PLXDC2: variants seen among roughly 807,000 people sequenced by gnomAD.
The protein encoded by PLXDC2 is plexin domain-containing protein 2.
In PLXDC2, 40 loss-of-function variants were observed where a neutral mutation model predicts 68.9. The observed-to-expected ratio is 0.58, with a 90% CI of 0.45 to 0.76. The LOEUF is 0.76. Ranked by LOEUF, PLXDC2 falls within the 30% of genes least tolerant of loss-of-function variation. The probability of loss-of-function intolerance (pLI) is 0.00; values close to 1 mark genes in which losing one functional copy is unlikely to be tolerated. For missense variants in PLXDC2, 644 were observed against 661.9 expected (o/e 0.97, Z 0.30); for synonymous variants, 243 against 234.2 (o/e 1.04, Z -0.34).
At chr10:20,149,556 ATCT>A (rs750592475) in intron 6 of PLXDC2, among the ~76,000 whole-genome samples, 56 of 151,498 alleles carry the variant, frequency 3.7e-4, no homozygotes, top group Non-Finnish European at 7.7e-4. Flanking sequence ...ATTTTTTCTG[ATCT>A]TCTCCCTCCT....
intron 9 of PLXDC2, among the ~76,000 whole-genome samples, chr10:20,185,341 G>T (rs928636493): frequency 6.6e-6 from 1 of 151,772 alleles, no homozygotes; most frequent in Non-Finnish European, 1.5e-5. Flanking sequence ...TCATACCAAG[G>T]GAATTCCTAG....
At chr10:20,018,884 C>G (rs1047657587) in intron 2 of PLXDC2, among the ~76,000 whole-genome samples, 1 of 151,992 alleles carries the variant, frequency 6.6e-6, no homozygotes, top group Non-Finnish European at 1.5e-5. Flanking sequence ...CATATGAACA[C>G]CACATATGTG....
At chr10:20,269,860 A>G (rs564248557) in intron 13 of PLXDC2, among the ~76,000 whole-genome samples, 2 of 152,008 alleles carry the variant, frequency 1.3e-5, no homozygotes, top group African/African-American at 2.4e-5. Flanking sequence ...TCTATTAAAA[A>G]TACAATAATT....
Position 19,817,728 on chromosome 10 carries a change from G to T in PLXDC2, c.112+537G>T, listed in dbSNP as rs12262332. Among the ~76,000 whole-genome samples, 5 of 152,250 alleles carry T rather than the reference G, an allele frequency of 3.3e-5. No individual in the cohort carries two copies. In the East Asian group the frequency reaches 9.7e-4, roughly 29 times the overall value. ...ACCTGGGCCAAGCGGGCGCTGGAAG[G>T]GGGGCGGGGTAAATGCGGCCGGCGC... is the stretch of plus-strand genomic sequence containing the variant. On this transcript the variant is annotated intron_variant, in intron 1 of 13. Transcript: ENST00000377252.
At chr10:20,058,268 T>C (rs1340823754) in intron 3 of PLXDC2, among the ~76,000 whole-genome samples, 1 of 152,176 alleles carries the variant, frequency 6.6e-6, no homozygotes, top group Non-Finnish European at 1.5e-5. Flanking sequence ...TCATCATTTC[T>C]GTGTGTTAGG....
chr10:19,851,845 G>T (rs1338200908), intron 1 of PLXDC2, among the ~76,000 whole-genome samples: 1 of 152,182 alleles, frequency 6.6e-6, no homozygotes, highest in African/African-American at 2.4e-5. Context: ...ACTGCACCTG[G>T]CATCTTTTCT....
chr10:20,071,284 A>G (rs892747690), intron 4 of PLXDC2: 1 of 152,228 alleles, frequency 6.6e-6, no homozygotes, highest in African/African-American at 2.4e-5. Context: ...ATGCGTCATT[A>G]TATACAGAGA....
At chr10:20,079,431 G>T (rs1317297012) in intron 4 of PLXDC2, among the ~76,000 whole-genome samples, 3 of 152,170 alleles carry the variant, frequency 2.0e-5, no homozygotes, top group Non-Finnish European at 4.4e-5. Flanking sequence ...TTCAACCATT[G>T]TGGAAGACAG....
At chr10:20,106,940 T>C (rs2131744555) in intron 4 of PLXDC2, among the ~76,000 whole-genome samples, 1 of 151,266 alleles carries the variant, frequency 6.6e-6, no homozygotes, top group Admixed American at 6.6e-5. Context: ...AAAGCTAAAA[T>C]GATTAAATGC....
chr10:20,096,475 A>G (rs1339217880), intron 4 of PLXDC2, among the ~76,000 whole-genome samples: 1 of 152,034 alleles, frequency 6.6e-6, no homozygotes, highest in African/African-American at 2.4e-5. Context: ...AAAGTAAGGG[A>G]AGAAAATTAT....
intron 9 of PLXDC2, among the ~76,000 whole-genome samples, chr10:20,206,531 G>C (rs1407223706): frequency 6.6e-6 from 1 of 152,044 alleles, no homozygotes; most frequent in Non-Finnish European, 1.5e-5. Context: ...CTTCGGGGAA[G>C]GGAAAAGAAT....
At chr10:20,066,107 C>G (rs1010121094) in intron 3 of PLXDC2, among the ~76,000 whole-genome samples, 3 of 152,184 alleles carry the variant, frequency 2.0e-5, no homozygotes, top group African/African-American at 7.2e-5. Flanking sequence ...AGATTGCCAT[C>G]ATGATTCCAT....
chr10:20,038,321 G>C (rs2131674003), intron 2 of PLXDC2, among the ~76,000 whole-genome samples: 1 of 152,218 alleles, frequency 6.6e-6, no homozygotes, highest in East Asian at 1.9e-4. Context: ...TAGAGGGATA[G>C]ACCATGCTGC....
chr10:20,103,981 C>T (rs1004756029), intron 4 of PLXDC2, among the ~76,000 whole-genome samples: 11 of 152,146 alleles, frequency 7.2e-5, no homozygotes, highest in Admixed American at 3.9e-4. Context: ...GGAGCAGAGA[C>T]TTTCAGAGCA....
At chr10:20,149,212 T>G (rs1215390423) in intron 6 of PLXDC2, among the ~76,000 whole-genome samples, 1 of 72,546 alleles carries the variant, frequency 1.4e-5, no homozygotes, top group Non-Finnish European at 3.2e-5. Flanking sequence ...TTATTTTTCT[T>G]TCTTTTTTTT....
chr10:19,969,240 C>T (rs571705822), intron 1 of PLXDC2, among the ~76,000 whole-genome samples: 23 of 152,294 alleles, frequency 1.5e-4, no homozygotes, highest in South Asian at 2.1e-4. Context: ...CATTTTCTCT[C>T]GTTCCTCCAT....
chr10:19,884,758 G>C (rs1408825497), intron 1 of PLXDC2, among the ~76,000 whole-genome samples: 3 of 152,172 alleles, frequency 2.0e-5, no homozygotes, highest in Non-Finnish European at 4.4e-5. Context: ...ATCGTTGTTG[G>C]ACATTTGGGT....
chr10:20,075,884 G>A (rs1378107107), intron 4 of PLXDC2, among the ~76,000 whole-genome samples: 3 of 152,158 alleles, frequency 2.0e-5, no homozygotes, highest in South Asian at 4.1e-4. Flanking sequence ...AGCCACTGAA[G>A]TGTCCACTGA....
At chr10:20,216,634 A>G (rs748911765) in intron 10 of PLXDC2, among the ~76,000 whole-genome samples, 1 of 152,142 alleles carries the variant, frequency 6.6e-6, no homozygotes, top group Admixed American at 6.6e-5. Flanking sequence ...CAGAATAGTT[A>G]TTTTCTACTC....
Sources: allele counts gnomAD v4.1 joint callset (sites outside exome capture counted in the v4.1 genomes callset), GRCh38; gene constraint gnomAD v4.1.1; transcripts MANE v1.5; gene names NCBI Gene and HGNC (gene_info 2026-07-23, HGNC 2026-07-21).